STYXL2: variants seen among roughly 807,000 people sequenced by gnomAD.
STYXL2 encodes the protein serine/threonine/tyrosine-interacting-like protein 2.
In STYXL2, 44 loss-of-function variants were observed where a neutral mutation model predicts 52.4. The ratio of observed to expected loss-of-function variants is 0.84; its 90% CI spans 0.66 to 1.08. The LOEUF (loss-of-function observed/expected upper bound fraction) is 1.08. Ranked by LOEUF, STYXL2 falls within the 50% of genes least tolerant of loss-of-function variation. The pLI is 0.00. For synonymous variants in STYXL2, 604 were observed against 586.9 expected, an observed-to-expected ratio of 1.03 and a Z score of -0.42; for missense variants, 1,604 against 1,471.7, an observed-to-expected ratio of 1.09 and a Z score of -1.47.
chr1:167,098,413 C>T (rs113389229), intron 2 of STYXL2, among the ~76,000 whole-genome samples: 25,526 of 151,670 alleles, frequency 0.17, 2,410 homozygotes, highest in Middle Eastern at 0.23. Context: ...GAATTCAAGG[C>T]TGCAGTGAGC....
intron 2 of STYXL2, among the ~76,000 whole-genome samples, chr1:167,113,464 T>C (rs1387888805): frequency 2.0e-5 from 3 of 152,332 alleles, no homozygotes. Context: ...CTCCACAACA[T>C]AGACCACCAT....
At chr1:167,097,038 T>G (rs1667300900) in intron 2 of STYXL2, among the ~76,000 whole-genome samples, 2 of 152,250 alleles carry the variant, frequency 1.3e-5, no homozygotes, top group Admixed American at 6.5e-5. Context: ...ATATCATTAA[T>G]GAACATGTTG....
chr1:167,109,447 G>A (rs1667571624), intron 2 of STYXL2, among the ~76,000 whole-genome samples: 4 of 152,278 alleles, frequency 2.6e-5, no homozygotes, highest in Middle Eastern at 3.4e-3. Flanking sequence ...GTATGATGCA[G>A]CAGAGGCAAC....
chr1:167,126,488 C>A lies in STYXL2; in HGVS notation c.1357C>A (p.Gln453Lys), dbSNP rs768421904. Residue 453 changes from glutamine (Q) to lysine (K), a missense_variant, in exon 6 of 6, where the codon CAG (glutamine) becomes AAG (lysine). By Grantham distance (53) the Gln-to-Lys change is moderately conservative. Transcript: ENST00000361200. ...VSSHDIWVLK[Q>K]QLELNRPDHG... The stretch of plus-strand genomic sequence containing the variant: ...CAGCCACGACATCTGGGTCCTGAAG[C>A]AGCAGCTGGAGCTGAACCGCCCGGA... 2 of 1,607,780 alleles carry A rather than the reference C, an allele frequency of 1.2e-6. No individual in the cohort carries two copies. The highest frequency in any genetic ancestry group is 1.7e-6 in the Non-Finnish European group (2 of 1,177,228).
intron 2 of STYXL2, among the ~76,000 whole-genome samples, chr1:167,096,683 G>A (rs1667291697): frequency 6.6e-6 from 1 of 152,188 alleles, no homozygotes; most frequent in Admixed American, 6.5e-5. Context: ...AACTCAGCAA[G>A]GTCATGCTTT....
rs188346399 is a variant in STYXL2 at position 167,097,532 on chromosome 1, G to T, written c.110+2573G>T. On this transcript the variant is annotated intron_variant, in intron 2 of 5. Transcript: ENST00000361200. ...GAGTCCAAGATGCATGTTGTAATTT[G>T]TAGTGTAATTGTTAGAAAGTTTTGC... Among the ~76,000 whole-genome samples the T allele has an allele frequency of 1.8e-3, 276 of 152,220 alleles. 2 individuals are homozygous for T. Among genetic ancestry groups the T allele is most frequent in the Admixed American group, 4.2e-3 (64 of 15,284 alleles).
rs775199326 is a variant in STYXL2 at position 167,094,844 on chromosome 1, G to T, written c.-6G>T. 5.0e-6 allele frequency: 8 copies of T among 1,611,714 alleles called. No individual in the cohort carries two copies. Among genetic ancestry groups the T allele is most frequent in the Non-Finnish European group, 6.8e-6 (8 of 1,178,974 alleles). ...TTGCCAAACTTTCAGAGGTTGGCAGGTTGTCATGGCGACCAGAAAGGACAC... is the reference window on the plus strand; with the variant it reads ...TTGCCAAACTTTCAGAGGTTGGCAGTTTGTCATGGCGACCAGAAAGGACAC... On this transcript the variant is annotated 5_prime_UTR_variant, in exon 2 of 6. Transcript: ENST00000361200.
intron 2 of STYXL2, among the ~76,000 whole-genome samples, chr1:167,107,507 G>A (rs948178729): frequency 6.6e-6 from 1 of 152,246 alleles, no homozygotes; most frequent in African/African-American, 2.4e-5. Flanking sequence ...ACACAGCCAA[G>A]ATCCTGCTTT....
intron 1 of STYXL2, 80 bp from the exon 2 acceptor site, chr1:167,094,754 A>C: frequency 1.1e-6 from 1 of 930,388 alleles, no homozygotes; most frequent in South Asian, 1.6e-5. Context: ...CACTGAGGTG[A>C]CATCACCAAC....
intron 2 of STYXL2, among the ~76,000 whole-genome samples, chr1:167,108,439 C>A (rs1479282971): frequency 6.6e-6 from 1 of 152,174 alleles, no homozygotes; most frequent in Non-Finnish European, 1.5e-5. Context: ...CCTTAATCCA[C>A]CCCCACTCCC....
rs146426286 is a variant in STYXL2, at chr1:167,127,418, C to G, written c.2287C>G (p.Leu763Val). The G allele has an allele frequency of 3.8e-5, 62 of 1,614,000 alleles. No homozygotes were observed. Among genetic ancestry groups the G allele is most frequent in the Non-Finnish European group, 4.9e-5 (58 of 1,179,992 alleles). Residue 763 changes from leucine (L) to valine (V), a missense_variant, in exon 6 of 6, where the codon CTG (leucine) becomes GTG (valine). Leu to Val is a conservative substitution (Grantham distance 32, BLOSUM62 1). Transcript: ENST00000361200. The part of the protein sequence containing the change: ...SMKAVPAASC[L>V]GDDQVSMLSG... ...GAAGGCAGTACCAGCGGCTAGCTGC[C>G]TGGGGGATGACCAAGTCTCCATGCT...
chr1:167,099,381 C>G (rs1558017465), intron 2 of STYXL2, among the ~76,000 whole-genome samples: 1 of 152,122 alleles, frequency 6.6e-6, no homozygotes, highest in Non-Finnish European at 1.5e-5. Context: ...ATGCACCCAA[C>G]AAGTACAGGA....
Position 167,113,847 on chromosome 1 carries a change from A to C in STYXL2, c.205+43A>C, listed in dbSNP as rs923852307. The C allele has an allele frequency of 5.4e-6, 8 of 1,468,580 alleles. No homozygotes were observed. The African/African-American group carries it at 9.7e-5, about 18-fold the overall frequency. The allele number at this position is 1,468,580 out of a possible 1,614,324, so 91.0% of individuals were successfully genotyped here. ...TGGGTGGAAGCAAAGTCCAGTGGTC[A>C]TCTGGAGACCCTTAGAGGGGGGCCA... is the stretch of plus-strand genomic sequence containing the variant. On this transcript the variant is annotated intron_variant, in intron 3 of 5. Coordinates refer to ENST00000361200, the MANE Select transcript of STYXL2 (RefSeq NM_001080426.3).
chr1:167,113,568 T>G, intron 2 of STYXL2, 142 bp from the exon 3 acceptor site: 1 of 672,352 alleles, frequency 1.5e-6, no homozygotes, highest in Non-Finnish European at 2.7e-6. Context: ...TATTCTTGGG[T>G]CCTTAAACTT....
At position 167,128,411 on chromosome 1, in the gene STYXL2, A is replaced by G; in HGVS notation, c.3280A>G (p.Arg1094Gly). ...GAGGAAGTTCACCCAGAGCTTTATG[A>G]GGTCTGAAGAAGAGGGAGAGAAAGA... is the stretch of plus-strand genomic sequence containing the variant. ...AKRKFTQSFMRSEEEGEKERT... is the reference protein window; with the variant it reads ...AKRKFTQSFMGSEEEGEKERT... The change falls in exon 6 of 6, where the codon AGG (arginine) becomes GGG (glycine). Residue 1094 changes from arginine (R) to glycine (G), a missense_variant. Coordinates refer to ENST00000361200, the MANE Select transcript of STYXL2 (RefSeq NM_001080426.3). 6.2e-7 allele frequency: 1 copy of G among 1,614,044 alleles called. No homozygotes were observed. The highest frequency in any genetic ancestry group is 8.5e-7 in the Non-Finnish European group (1 of 1,179,970).
intron 2 of STYXL2, among the ~76,000 whole-genome samples, chr1:167,113,049 C>A: frequency 6.6e-6 from 1 of 152,126 alleles, no homozygotes; most frequent in East Asian, 1.9e-4. Flanking sequence ...TCTTTTTTGA[C>A]AACTGCACCG....
At chr1:167,113,907 C>T (rs956769155) in intron 3 of STYXL2, 103 bp downstream of exon 3, 19 of 891,220 alleles carry the variant, frequency 2.1e-5, no homozygotes, top group Middle Eastern at 2.2e-4. Flanking sequence ...AGGTGCTGCC[C>T]ATCACGTTAG....
In STYXL2 at chr1:167,128,750, A is replaced by C. The variant is rs1668031106; in HGVS notation, c.*142A>C. ...AGAGCCAAAATGAGAGGTACCAAGC[A>C]TAAGGGCAGCAGAGGTGGAGTAGGG... On this transcript the variant is annotated 3_prime_UTR_variant, in exon 6 of 6. Coordinates refer to ENST00000361200, the MANE Select transcript of STYXL2 (RefSeq NM_001080426.3). 7.3e-7 allele frequency: 1 copy of C among 1,364,042 alleles called. No individual in the cohort carries two copies. Among genetic ancestry groups the C allele is most frequent in the South Asian group, 1.6e-5 (1 of 63,874 alleles). 84.5% of individuals were successfully genotyped at this position (1,364,042 alleles called of 1,614,324 possible).
intron 2 of STYXL2, among the ~76,000 whole-genome samples, chr1:167,096,911 T>C (rs543775548): frequency 1.3e-5 from 2 of 152,292 alleles, no homozygotes; most frequent in African/African-American, 4.8e-5. Context: ...GGCTAGGTTC[T>C]CCAATGGGTG....
Sources: gnomAD v4.1 joint callset for allele counts (sites outside exome capture counted in the v4.1 genomes callset) on GRCh38, gnomAD v4.1.1 for gene constraint, MANE v1.5 for transcripts, NCBI Gene and HGNC (gene_info 2026-07-23, HGNC 2026-07-21) for gene names.